The following CCDC61 variants were observed in gnomAD, a reference collection of about 807,000 sequenced individuals.
CCDC61 encodes centrosomal protein CCDC61.
CCDC61 carries 55 observed loss-of-function variants against 63.0 expected under a neutral mutation model. The observed-to-expected ratio is 0.87, with a 90% CI of 0.70 to 1.09. CCDC61 has a LOEUF of 1.09. Among genes scored for constraint, CCDC61 ranks in the 50% least tolerant of loss-of-function variants. The pLI is 0.00. For synonymous variants in CCDC61, 270 were observed against 317.0 expected (o/e 0.85, Z 1.58); for missense variants, 651 against 731.4 (o/e 0.89, Z 1.27).
intron 5 of CCDC61, among the ~76,000 whole-genome samples, chr19:46,010,686 C>T (rs1161211325): frequency 6.6e-6 from 1 of 152,204 alleles, no homozygotes; most frequent in Non-Finnish European, 1.5e-5. Flanking sequence ...AGGAAAAATT[C>T]CAGCACCACA....
At position 46,015,214 on chromosome 19, in the gene CCDC61, G is replaced by A; in HGVS notation, c.717G>A (p.Arg239=). ...GGCAGGAGCGCGGCCTCGGGCACAGGGTGGCCGGCCGTCGCGGCCAGGACT... is the reference window on the plus strand; with the variant it reads ...GGCAGGAGCGCGGCCTCGGGCACAGAGTGGCCGGCCGTCGCGGCCAGGACT... ...ELRQERGLGH[R]VAGRRGQDCR... is the part of the protein sequence containing the mutation. The change falls in exon 6 of 14, where the codon AGG becomes AGA. Residue 239 remains arginine (R), a synonymous_variant. Transcript: ENST00000595358. This position sits in a 1 kb window ranked among gnomAD's most constrained non-coding sequence, Gnocchi z 5.3. 2.3e-6 allele frequency: 3 copies of A among 1,327,962 alleles called. No individual in the cohort carries two copies. Among genetic ancestry groups the A allele is most frequent in the African/African-American group, 3.1e-5 (2 of 64,782 alleles). 82.3% of individuals were successfully genotyped at this position (1,327,962 alleles called of 1,614,324 possible).
At position 46,016,000 on chromosome 19, in the gene CCDC61, C is replaced by T. The variant is rs1568696933; in HGVS notation, c.846-54C>T. 4 of 1,227,532 alleles carry T rather than the reference C, an allele frequency of 3.3e-6. No individual in the cohort carries two copies. Among genetic ancestry groups the T allele is most frequent in the Non-Finnish European group, 4.1e-6 (4 of 985,626 alleles). The allele number at this position is 1,227,532 out of a possible 1,614,324, so 76.0% of individuals were successfully genotyped here. A position where few individuals can be genotyped will look rare whatever the true frequency, so the allele number is the denominator to read the frequency against. On this transcript the variant is annotated intron_variant, in intron 7 of 13. Coordinates refer to ENST00000595358, the MANE Select transcript of CCDC61 (RefSeq NM_001267723.2). The surrounding 1 kb of genome is among the most constrained non-coding windows in gnomAD (Gnocchi z 5.3). The stretch of plus-strand genomic sequence containing the variant: ...AAGGTGCGGTCGGGGAGGAGTCTCG[C>T]GATTGAGTTTGTCGGGGCGGGCGGG...
At chr19:46,008,368 T>C (rs1968758450) in intron 5 of CCDC61, 67 bp downstream of exon 5, 1 of 1,184,722 alleles carries the variant, frequency 8.4e-7, no homozygotes, top group South Asian at 1.3e-5. Context: ...GCGGGGCCCA[T>C]GCTCGGTCCT....
At chr19:46,002,812 C>T (rs1470327208) in intron 1 of CCDC61, among the ~76,000 whole-genome samples, 196 bp from the exon 2 acceptor site, 2 of 152,190 alleles carry the variant, frequency 1.3e-5, no homozygotes, top group African/African-American at 4.8e-5. Context: ...ATGTAATCCT[C>T]ACAACAAGTC....
At chr19:45,999,987 C>G in intron 1 of CCDC61, 1 of 981,588 alleles carries the variant, frequency 1.0e-6, no homozygotes, top group Non-Finnish European at 1.2e-6. Flanking sequence ...CTGGGAGAGG[C>G]TCAGGACTGG....
intron 1 of CCDC61, among the ~76,000 whole-genome samples, chr19:46,000,940 G>A (rs1428937524): frequency 6.6e-6 from 1 of 151,678 alleles, no homozygotes; most frequent in Admixed American, 6.6e-5. Flanking sequence ...GCGGTGTGGC[G>A]GGCCCCCTTC....
At chr19:46,013,428 A>T (rs1968865950) in intron 5 of CCDC61, among the ~76,000 whole-genome samples, 1 of 152,086 alleles carries the variant, frequency 6.6e-6, no homozygotes, top group Non-Finnish European at 1.5e-5. Context: ...AAGTGCTGGG[A>T]TTACAAGTGT....
chr19:46,015,883 T>C lies in CCDC61; in HGVS notation c.846-171T>C, dbSNP rs968552815. Among the ~76,000 whole-genome samples the C allele has an allele frequency of 3.3e-5, 5 of 150,810 alleles. No homozygotes were observed. The highest frequency in any genetic ancestry group is 9.8e-5 in the African/African-American group (4 of 40,992). Reference sequence around the variant, plus strand: ...ACAGAGGGGTGTTTTAGGGGTCCAATTGGGTGAGGTCTGGGGGGGAAGATA... The same window carrying C: ...ACAGAGGGGTGTTTTAGGGGTCCAACTGGGTGAGGTCTGGGGGGGAAGATA... On this transcript the variant is annotated intron_variant, in intron 7 of 13. Transcript: ENST00000595358. This position sits in a 1 kb window ranked among gnomAD's most constrained non-coding sequence, Gnocchi z 5.3.
Position 46,016,014 on chromosome 19 carries a change from G to A in CCDC61, c.846-40G>A, listed in dbSNP as rs1201245321. ...GAGGAGTCTCGCGATTGAGTTTGTC[G>A]GGGCGGGCGGGAAGCTGACAGCTGC... On this transcript the variant is annotated intron_variant, in intron 7 of 13. Transcript: ENST00000595358. This position sits in a 1 kb window ranked among gnomAD's most constrained non-coding sequence, Gnocchi z 7.2. The A allele has an allele frequency of 4.9e-5, 61 of 1,233,642 alleles. No individual in the cohort carries two copies. The highest frequency in any genetic ancestry group is 6.2e-5 in the Non-Finnish European group (61 of 989,858). 76.4% of individuals were successfully genotyped at this position (1,233,642 alleles called of 1,614,324 possible).
chr19:46,010,158 C>A (rs929319841), intron 5 of CCDC61, among the ~76,000 whole-genome samples: 1 of 152,240 alleles, frequency 6.6e-6, no homozygotes, highest in African/African-American at 2.4e-5. Context: ...TAGATTCTTA[C>A]AGCCTAACAG....
rs1205627153 is a variant in CCDC61 at position 46,018,050 on chromosome 19, C to A, written c.1369-28C>A. ...ACAGAAATAGAGGGACGGTGGGTGA[C>A]CCCCTTTCCTACCTTCCCCATCACC... On this transcript the variant is annotated intron_variant, in intron 12 of 13. Transcript: ENST00000595358. This position sits in a 1 kb window ranked among gnomAD's most constrained non-coding sequence, Gnocchi z 4.2. The A allele has an allele frequency of 6.3e-7, 1 of 1,583,050 alleles. No homozygotes were observed. Among genetic ancestry groups the A allele is most frequent in the Admixed American group, 1.7e-5 (1 of 57,558 alleles).
chr19:46,017,076 C>T lies in CCDC61; in HGVS notation c.1310+7C>T, dbSNP rs112695593. The T allele has an allele frequency of 6.2e-7, 1 of 1,611,086 alleles. No homozygotes were observed. The highest frequency in any genetic ancestry group is 2.2e-5 in the East Asian group (1 of 44,842). Reference sequence around the variant, plus strand: ...CTGAGTCGCTCTCCAGAGGGTAAAACTTGAACTTGGGAAAAGGATCGCCTC... The same window carrying T: ...CTGAGTCGCTCTCCAGAGGGTAAAATTTGAACTTGGGAAAAGGATCGCCTC... On this transcript the variant is annotated splice_region_variant and intron_variant, in intron 11 of 13. Coordinates refer to ENST00000595358, the MANE Select transcript of CCDC61 (RefSeq NM_001267723.2).
chr19:46,009,758 C>T (rs189575309), intron 5 of CCDC61, among the ~76,000 whole-genome samples: 1 of 152,268 alleles, frequency 6.6e-6, no homozygotes, highest in Non-Finnish European at 1.5e-5. Flanking sequence ...CGAGGAAGGC[C>T]GCAGTGGGGA....
chr19:46,003,744 C>G (rs749490113), intron 3 of CCDC61, among the ~76,000 whole-genome samples: 1 of 151,968 alleles, frequency 6.6e-6, no homozygotes, highest in Non-Finnish European at 1.5e-5. Context: ...CACTCCAGCC[C>G]TAATACTCGC....
rs1968636072 is a variant in CCDC61, at chr19:46,003,580, G to A, written c.231+79G>A. The A allele has an allele frequency of 1.4e-5, 14 of 976,738 alleles. No homozygotes were observed. In the South Asian group the frequency reaches 1.9e-4, roughly 13 times the overall value. The allele number at this position is 976,738 out of a possible 1,614,324, so 60.5% of individuals were successfully genotyped here. A position where few individuals can be genotyped will look rare whatever the true frequency, so the allele number is the denominator to read the frequency against. Reference sequence around the variant, plus strand: ...CCAGGGGGGTTGATGCCCATCTGATGTATGTAAGACCCTCTACCTTCTCTT... The same window carrying A: ...CCAGGGGGGTTGATGCCCATCTGATATATGTAAGACCCTCTACCTTCTCTT... On this transcript the variant is annotated intron_variant, in intron 3 of 13. Transcript: ENST00000595358.
Position 45,996,635 on chromosome 19 carries a change from G to C in CCDC61, c.-12+1131G>C, listed in dbSNP as rs533312121. Among the ~76,000 whole-genome samples, 270 of 152,244 alleles carry C rather than the reference G, an allele frequency of 1.8e-3. 1 individual carries two copies. Among genetic ancestry groups the C allele is most frequent in the Non-Finnish European group, 2.4e-3 (162 of 67,992 alleles). Reference sequence around the variant, plus strand: ...GGTTGGTCTTGAACTCGTGACCTCAGGTGATCCACCCGCCTCAGCCTCCCA... The same window carrying C: ...GGTTGGTCTTGAACTCGTGACCTCACGTGATCCACCCGCCTCAGCCTCCCA... On this transcript the variant is annotated intron_variant, in intron 1 of 13. Transcript: ENST00000595358.
chr19:46,017,430 G>A (rs371040740), intron 12 of CCDC61, 126 bp downstream of exon 12: 11 of 854,870 alleles, frequency 1.3e-5, no homozygotes, highest in East Asian at 2.7e-5. Flanking sequence ...TTAAGAGTGC[G>A]TCTCGCTCTT....
chr19:46,010,277 T>C (rs1219944867), intron 5 of CCDC61, among the ~76,000 whole-genome samples: 1 of 152,080 alleles, frequency 6.6e-6, no homozygotes, highest in Admixed American at 6.6e-5. Context: ...ACAAGTGGAA[T>C]AGAGTTGAAT....
rs541532532 is a variant in CCDC61 at position 46,016,521 on chromosome 19, C to G, written c.1091+128C>G. On this transcript the variant is annotated intron_variant, in intron 9 of 13. Coordinates refer to ENST00000595358, the MANE Select transcript of CCDC61 (RefSeq NM_001267723.2). This position sits in a 1 kb window ranked among gnomAD's most constrained non-coding sequence, Gnocchi z 7.2. ...GCTCGCTTCTCGCCGGATACCCCGC[C>G]TGCTCTCCCTTCCGTCCGTCCTACC... The G allele has an allele frequency of 1.1e-5, 15 of 1,372,074 alleles. No individual in the cohort carries two copies. Among genetic ancestry groups the G allele is most frequent in the African/African-American group, 1.4e-5 (1 of 69,828 alleles). The allele number at this position is 1,372,074 out of a possible 1,614,324, so 85.0% of individuals were successfully genotyped here.
Sources: gnomAD v4.1 joint callset for allele counts (sites outside exome capture counted in the v4.1 genomes callset) on GRCh38, gnomAD v4.1.1 for gene constraint, Gnocchi (gnomAD v3.1) non-coding constraint, MANE v1.5 for transcripts, NCBI Gene and HGNC (gene_info 2026-07-23, HGNC 2026-07-21) for gene names.